The following DDX10 variants were observed in gnomAD, a reference collection of about 807,000 sequenced individuals.
The protein encoded by DDX10 is probable ATP-dependent RNA helicase DDX10.
DDX10 carries 74 observed loss-of-function variants against 104.3 expected under a neutral mutation model. The observed-to-expected ratio is 0.71, with a 90% CI of 0.59 to 0.86. DDX10 has a LOEUF of 0.86. DDX10 is among the 40% of genes least tolerant of loss of function. The pLI is 0.00. For synonymous variants in DDX10, 351 were observed against 353.4 expected, an observed-to-expected ratio of 0.99 and a Z score of 0.08; for missense variants, 952 against 1,040.0, an observed-to-expected ratio of 0.92 and a Z score of 1.16.
chr11:108,760,993 C>G (rs967031479), intron 13 of DDX10, among the ~76,000 whole-genome samples: 2 of 152,014 alleles, frequency 1.3e-5, no homozygotes, highest in African/African-American at 4.8e-5. Context: ...GGAATTCTAA[C>G]AGTGTAACAA....
At chr11:108,924,429 C>T (rs1407804991) in intron 17 of DDX10, among the ~76,000 whole-genome samples, 2 of 152,182 alleles carry the variant, frequency 1.3e-5, no homozygotes, top group Non-Finnish European at 2.9e-5. Context: ...ATACCTTTTC[C>T]AGTACAGAGT....
chr11:108,781,646 CT>C (rs1267445669), intron 13 of DDX10, among the ~76,000 whole-genome samples: 2 of 151,954 alleles, frequency 1.3e-5, no homozygotes, highest in Admixed American at 6.6e-5. Context: ...GTTGAAATGC[CT>C]TTTTAAAAGA....
chr11:108,750,926 CTTTTTTTTTTTT>C (rs10582729), intron 13 of DDX10, among the ~76,000 whole-genome samples: 30 of 24,248 alleles, frequency 1.2e-3, no homozygotes, highest in African/African-American at 2.3e-3. Context: ...CACCTGGTTA[CTTTTTTTTTTTT>C]TTTTTTTTTT....
intron 15 of DDX10, among the ~76,000 whole-genome samples, chr11:108,842,967 A>G (rs1862661762): frequency 1.3e-5 from 2 of 152,338 alleles, no homozygotes; most frequent in South Asian, 2.1e-4. Context: ...TTGTTACTAT[A>G]TCCATGTCAT....
At chr11:108,859,448 T>TTA (rs1862911685) in intron 16 of DDX10, among the ~76,000 whole-genome samples, 1 of 150,450 alleles carries the variant, frequency 6.6e-6, no homozygotes. Context: ...GAGTAAGGTG[T>TTA]AAAAAAAAAG....
At chr11:108,917,541 A>T (rs1044957968) in intron 16 of DDX10, among the ~76,000 whole-genome samples, 2 of 152,152 alleles carry the variant, frequency 1.3e-5, no homozygotes, top group Non-Finnish European at 2.9e-5. Flanking sequence ...AGCTGGGATG[A>T]CAGGAGCATG....
At chr11:108,844,409 G>C (rs764551720) in intron 15 of DDX10, among the ~76,000 whole-genome samples, 5 of 152,168 alleles carry the variant, frequency 3.3e-5, no homozygotes, top group Non-Finnish European at 4.4e-5. Flanking sequence ...TTGCAGTCGT[G>C]AGTACTGTAG....
At chr11:108,765,105 C>A (rs564532829) in intron 13 of DDX10, among the ~76,000 whole-genome samples, 1 of 152,190 alleles carries the variant, frequency 6.6e-6, no homozygotes, top group Admixed American at 6.5e-5. Flanking sequence ...TCTTTATAGA[C>A]CTGAAAGAGA....
At chr11:108,830,331 G>A (rs984880625) in intron 13 of DDX10, among the ~76,000 whole-genome samples, 1 of 152,142 alleles carries the variant, frequency 6.6e-6, no homozygotes, top group Non-Finnish European at 1.5e-5. Flanking sequence ...TTCTGAAAGA[G>A]GTTGAGTTCT....
intron 16 of DDX10, among the ~76,000 whole-genome samples, chr11:108,900,981 AC>A (rs1337746333): frequency 4.6e-5 from 7 of 151,920 alleles, no homozygotes; most frequent in Non-Finnish European, 7.4e-5. Context: ...TTCCTCATTT[AC>A]CCTGAGCGTA....
intron 13 of DDX10, among the ~76,000 whole-genome samples, chr11:108,835,253 C>T (rs1382538758): frequency 1.3e-5 from 2 of 152,128 alleles, no homozygotes; most frequent in African/African-American, 4.8e-5. Context: ...ATTATAGTAA[C>T]TGAGGAAGAA....
chr11:108,804,442 A>C (rs1862068507), intron 13 of DDX10, among the ~76,000 whole-genome samples: 1 of 136,044 alleles, frequency 7.4e-6, no homozygotes, highest in South Asian at 2.5e-4. Context: ...TTGAGGCTGC[A>C]TTGAGCCGAT....
intron 13 of DDX10, among the ~76,000 whole-genome samples, chr11:108,800,264 T>C (rs1203560151): frequency 8.0e-5 from 9 of 111,828 alleles, no homozygotes; most frequent in African/African-American, 2.7e-4. Flanking sequence ...ACCCTGTCTT[T>C]ACTAAAAATA....
intron 16 of DDX10, among the ~76,000 whole-genome samples, chr11:108,869,722 G>C (rs1863055675): frequency 6.6e-6 from 1 of 151,954 alleles, no homozygotes; most frequent in African/African-American, 2.4e-5. Context: ...TCAAAATAAT[G>C]CTTTCTGCAA....
chr11:108,833,446 A>G (rs982233030), intron 13 of DDX10, among the ~76,000 whole-genome samples: 2 of 152,234 alleles, frequency 1.3e-5, no homozygotes, highest in African/African-American at 4.8e-5. Flanking sequence ...CATTTGCAGC[A>G]TCTTTGAATG....
At chr11:108,692,512 C>A (rs10890884) in intron 8 of DDX10, among the ~76,000 whole-genome samples, 1 of 151,860 alleles carries the variant, frequency 6.6e-6, no homozygotes, top group Non-Finnish European at 1.5e-5. Context: ...GGGAATGGGA[C>A]GGGGATGGAC....
chr11:108,719,104 GTTTTTTTTTTT>G, intron 11 of DDX10, among the ~76,000 whole-genome samples: 1 of 129,522 alleles, frequency 7.7e-6, no homozygotes, highest in Non-Finnish European at 1.6e-5. Flanking sequence ...TATGAAGATA[GTTTTTTTTTTT>G]TTTTTTTTTA....
At chr11:108,749,825 G>A (rs2094336247) in intron 13 of DDX10, among the ~76,000 whole-genome samples, 1 of 152,120 alleles carries the variant, frequency 6.6e-6, no homozygotes, top group Admixed American at 6.6e-5. Flanking sequence ...TTGTTGCAAA[G>A]CTTTTAAGAA....
chr11:108,936,678 A>C (rs1864041481), intron 17 of DDX10, among the ~76,000 whole-genome samples: 1 of 152,116 alleles, frequency 6.6e-6, no homozygotes, highest in African/African-American at 2.4e-5. Flanking sequence ...ATAGTATCTC[A>C]TTTCTAATTT....
Sources: gnomAD v4.1 joint callset for allele counts (sites outside exome capture counted in the v4.1 genomes callset) on GRCh38, gnomAD v4.1.1 for gene constraint, MANE v1.5 for transcripts, NCBI Gene and HGNC (gene_info 2026-07-23, HGNC 2026-07-21) for gene names.